USP7: variants seen among roughly 807,000 people sequenced by gnomAD.
The protein encoded by USP7 is ubiquitin C-terminal hydrolase 7.
Under a neutral mutation model 162.9 loss-of-function variants are expected in USP7, and 9 were observed. The observed-to-expected ratio is 0.06, with a 90% CI of 0.03 to 0.10. The LOEUF (loss-of-function observed/expected upper bound fraction) is 0.10, where lower values mean the gene tolerates loss of function less well. Among genes scored for constraint, USP7 ranks in the 10% least tolerant of loss-of-function variants. USP7 has a pLI of 1.00. For missense variants in USP7, 715 were observed against 1,373.7 expected (o/e 0.52, Z 7.58); for synonymous variants, 562 against 475.9 (o/e 1.18, Z -2.35).
At chr16:8,927,971 C>G (rs909535721) in intron 2 of USP7, among the ~76,000 whole-genome samples, 1 of 152,230 alleles carries the variant, frequency 6.6e-6, no homozygotes, top group African/African-American at 2.4e-5. Context: ...ATAGTGACAT[C>G]CCATCACTAC....
At chr16:8,944,494 G>C (rs982364727) in intron 1 of USP7, among the ~76,000 whole-genome samples, 2 of 152,188 alleles carry the variant, frequency 1.3e-5, no homozygotes, top group African/African-American at 4.8e-5. Flanking sequence ...TGAGGTCAGA[G>C]GTAGAAAGGA....
chr16:8,902,253 C>T (rs1181318049), intron 17 of USP7, 66 bp from the exon 18 acceptor site: 3 of 1,588,626 alleles, frequency 1.9e-6, no homozygotes, highest in Non-Finnish European at 2.6e-6. Flanking sequence ...CGAAAAACTA[C>T]AGTCAAGTAT....
chr16:8,911,611 T>C (rs1277006842), intron 10 of USP7, among the ~76,000 whole-genome samples: 1 of 152,176 alleles, frequency 6.6e-6, no homozygotes, highest in Non-Finnish European at 1.5e-5. Context: ...AGCCCCGTGA[T>C]GGGCCCAGCT....
intron 1 of USP7, among the ~76,000 whole-genome samples, chr16:8,950,530 G>A (rs1899501919): frequency 6.6e-6 from 1 of 152,192 alleles, no homozygotes; most frequent in Non-Finnish European, 1.5e-5. Context: ...CCCAACTTGA[G>A]AACACTGAAG....
chr16:8,917,310 G>T (rs1296045944), intron 6 of USP7, among the ~76,000 whole-genome samples, 154 bp from the exon 7 acceptor site: 1 of 152,200 alleles, frequency 6.6e-6, no homozygotes, highest in Non-Finnish European at 1.5e-5. Flanking sequence ...CCAAATTGGT[G>T]AGAAAGTTTA....
chr16:8,925,053 T>A (rs1311506790), intron 2 of USP7, among the ~76,000 whole-genome samples: 13 of 152,248 alleles, frequency 8.5e-5, no homozygotes, highest in Admixed American at 8.5e-4. Flanking sequence ...GGAATAAGTT[T>A]TGCCATGTGC....
At chr16:8,930,479 A>C in intron 1 of USP7, 82 bp from the exon 2 acceptor site, 1 of 931,248 alleles carries the variant, frequency 1.1e-6, no homozygotes, top group Non-Finnish European at 1.6e-6. Context: ...TATACTTTTG[A>C]TGTTGCCTAA....
chr16:8,915,348 C>T lies in USP7; in HGVS notation c.988-4G>A, dbSNP rs186492660. 3 of 1,613,226 alleles carry T rather than the reference C, an allele frequency of 1.9e-6. No homozygotes were observed. In the Admixed American group the frequency reaches 5.0e-5, roughly 27 times the overall value. On this transcript the variant is annotated splice_region_variant and splice_polypyrimidine_tract_variant and intron_variant, in intron 9 of 30. Coordinates refer to ENST00000344836, the MANE Select transcript of USP7 (RefSeq NM_003470.3). ...CTTCTTTACACTGGATATAGGACTG[C>T]AAATAAGGAAAGTAAAAGTGGTTTA...
At chr16:8,921,322 A>T (rs761714224) in intron 3 of USP7, 27 bp from the exon 4 acceptor site, 11 of 1,605,398 alleles carry the variant, frequency 6.9e-6, no homozygotes, top group Non-Finnish European at 8.5e-6. Flanking sequence ...TCTGAGCCTT[A>T]GTTGACATTA....
chr16:8,917,981 G>A (rs1446760695), intron 6 of USP7, among the ~76,000 whole-genome samples: 3 of 151,832 alleles, frequency 2.0e-5, no homozygotes, highest in South Asian at 2.1e-4. Context: ...TACTAGAGAC[G>A]GGGTTTCACC....
chr16:8,915,084 G>A (rs557237480), intron 10 of USP7, among the ~76,000 whole-genome samples, 170 bp downstream of exon 10: 3 of 152,202 alleles, frequency 2.0e-5, no homozygotes, highest in African/African-American at 7.2e-5. Flanking sequence ...GCCAACACCA[G>A]AGCTGGGTGG....
chr16:8,931,026 C>T (rs1007295331), intron 1 of USP7, among the ~76,000 whole-genome samples: 2 of 151,620 alleles, frequency 1.3e-5, no homozygotes, highest in East Asian at 1.9e-4. Flanking sequence ...AGCTAATCAG[C>T]GTAAAGAACC....
At chr16:8,952,239 G>A (rs765133044) in intron 1 of USP7, among the ~76,000 whole-genome samples, 1 of 152,020 alleles carries the variant, frequency 6.6e-6, no homozygotes, top group Non-Finnish European at 1.5e-5. Context: ...ACGAGGGAGA[G>A]CCTGTCTCCA....
intron 2 of USP7, among the ~76,000 whole-genome samples, chr16:8,926,288 C>T (rs1897987793): frequency 1.3e-5 from 2 of 151,788 alleles, no homozygotes; most frequent in African/African-American, 2.4e-5. Context: ...GACCAGCCTG[C>T]CCAACATGGT....
chr16:8,960,980 G>A (rs1225332054), intron 1 of USP7, among the ~76,000 whole-genome samples: 2 of 152,300 alleles, frequency 1.3e-5, no homozygotes, highest in African/African-American at 2.4e-5. Flanking sequence ...CAGAAGAAAT[G>A]AGTTTCTTAA....
rs1295454733 is a variant in USP7 at position 8,892,606 on chromosome 16, T to A, written c.*1392A>T. ...AGAGTAAATGTGACTAGTTAGAGGCTAAAAAAAAAAAAAAAAAAAAAAAGA... is the reference window on the plus strand; with the variant it reads ...AGAGTAAATGTGACTAGTTAGAGGCAAAAAAAAAAAAAAAAAAAAAAAAGA... On this transcript the variant is annotated 3_prime_UTR_variant, in exon 31 of 31. Coordinates refer to ENST00000344836, the MANE Select transcript of USP7 (RefSeq NM_003470.3). 6 of 119,996 alleles carry A rather than the reference T, an allele frequency of 5.0e-5. No homozygotes were observed. Among genetic ancestry groups the A allele is most frequent in the Admixed American group, 1.7e-4 (2 of 11,806 alleles). 7.4% of individuals were successfully genotyped at this position (119,996 alleles called of 1,614,324 possible). A position where few individuals can be genotyped will look rare whatever the true frequency, so the allele number is the denominator to read the frequency against.
At chr16:8,912,638 TA>T (rs1183539023) in intron 10 of USP7, among the ~76,000 whole-genome samples, 1 of 150,842 alleles carries the variant, frequency 6.6e-6, no homozygotes, top group East Asian at 2.0e-4. Flanking sequence ...AGCAAAAGCA[TA>T]CTAAGAAGAG....
intron 2 of USP7, among the ~76,000 whole-genome samples, chr16:8,927,194 C>T (rs574072078): frequency 1.3e-5 from 2 of 151,492 alleles, no homozygotes; most frequent in South Asian, 4.2e-4. Context: ...TGGTGGCAAG[C>T]GCCTGTAGTC....
intron 16 of USP7, among the ~76,000 whole-genome samples, chr16:8,902,688 G>A (rs2061794641): frequency 6.6e-6 from 1 of 152,092 alleles, no homozygotes; most frequent in Non-Finnish European, 1.5e-5. Flanking sequence ...GGGAGTTCAA[G>A]ACCAGCCTGG....
Sources: allele counts gnomAD v4.1 joint callset (sites outside exome capture counted in the v4.1 genomes callset), GRCh38; gene constraint gnomAD v4.1.1; transcripts MANE v1.5; gene names NCBI Gene and HGNC (gene_info 2026-07-23, HGNC 2026-07-21).